LACTB: variants seen among roughly 807,000 people sequenced by gnomAD.
The protein encoded by LACTB is lactamase beta.
In LACTB, 35 loss-of-function variants were observed where a neutral mutation model predicts 50.2. That is an observed-to-expected ratio of 0.70 (90% CI 0.53 to 0.92). The LOEUF (loss-of-function observed/expected upper bound fraction) is 0.92, where lower values mean the gene tolerates loss of function less well. Ranked by LOEUF, LACTB falls within the 40% of genes least tolerant of loss-of-function variation. The pLI, the probability that LACTB is intolerant of heterozygous loss-of-function variation, is 0.00. For missense variants in LACTB, 664 were observed against 691.8 expected (o/e 0.96, Z 0.45); for synonymous variants, 252 against 268.2 (o/e 0.94, Z 0.59).
At chr15:63,134,473 T>A (rs1392019177) in intron 5 of LACTB, among the ~76,000 whole-genome samples, 1 of 152,160 alleles carries the variant, frequency 6.6e-6, no homozygotes, top group Non-Finnish European at 1.5e-5. Flanking sequence ...GTGGTGTCCC[T>A]GTCTGTACAC....
intron 5 of LACTB, among the ~76,000 whole-genome samples, chr15:63,139,741 G>A (rs980711955): frequency 3.3e-5 from 5 of 152,128 alleles, no homozygotes; most frequent in Non-Finnish European, 7.4e-5. Context: ...GCTGAGGCAG[G>A]AGAACCAAAC....
At chr15:63,122,788 C>T (rs1595712904) in intron 2 of LACTB, 86 bp downstream of exon 2, 2 of 898,110 alleles carry the variant, frequency 2.2e-6, no homozygotes, top group Non-Finnish European at 3.7e-6. Flanking sequence ...CCATGAAATG[C>T]TATTGCATTT....
intron 5 of LACTB, among the ~76,000 whole-genome samples, chr15:63,132,234 C>A (rs544943477): frequency 1.3e-5 from 2 of 152,238 alleles, no homozygotes; most frequent in East Asian, 3.9e-4. Flanking sequence ...TCCTTGGTGT[C>A]TCTTGTTTCC....
In LACTB at chr15:63,122,156, C is replaced by T. The variant is rs754428669; in HGVS notation, c.285C>T (p.Thr95=). ...CCCTCGCCCCGTGGTCTCCGCAGAC[C>T]CCGGCGCCGCCCTGCTCCAGGTGCT... ...EQSLAPWSPQ[T]PAPPCSRCFA... The change falls in exon 1 of 6, where the codon ACC becomes ACT. Residue 95 remains threonine, a synonymous_variant. Coordinates refer to ENST00000261893, the MANE Select transcript of LACTB (RefSeq NM_032857.5). 7 of 1,514,588 alleles carry T rather than the reference C, an allele frequency of 4.6e-6. No individual in the cohort carries two copies. Among genetic ancestry groups the T allele is most frequent in the African/African-American group, 2.8e-5 (2 of 70,346 alleles). 93.8% of individuals were successfully genotyped at this position (1,514,588 alleles called of 1,614,324 possible).
intron 5 of LACTB, among the ~76,000 whole-genome samples, chr15:63,131,786 A>T (rs1290896740): frequency 6.6e-6 from 1 of 152,102 alleles, no homozygotes; most frequent in African/African-American, 2.4e-5. Flanking sequence ...CTCCACAAAA[A>T]ATACAAAAAT....
In LACTB at chr15:63,141,524, G is replaced by T; in HGVS notation, c.1363G>T (p.Asp455Tyr). 6.2e-7 allele frequency: 1 copy of T among 1,614,194 alleles called. No individual in the cohort carries two copies. Among genetic ancestry groups the T allele is most frequent in the Non-Finnish European group, 8.5e-7 (1 of 1,180,036 alleles). The change falls in exon 6 of 6, where the codon GAT becomes TAT. Residue 455 changes from aspartate to tyrosine, a missense_variant. Physicochemically the swap from Asp to Tyr is radical, Grantham distance 160. Coordinates refer to ENST00000261893, the MANE Select transcript of LACTB (RefSeq NM_032857.5). ...TPVPNTEMSW[D>Y]KEGKYAMAWG... is the part of the protein sequence containing the mutation. ...AGTCCCTAACACAGAGATGTCTTGG[G>T]ATAAAGAGGGTAAATATGCAATGGC...
At position 63,121,908 on chromosome 15, in the gene LACTB, GC is replaced by G; in HGVS notation, c.39del (p.Ala14ProfsTer41). The G allele has an allele frequency of 1.4e-6, 2 of 1,419,052 alleles. No individual in the cohort carries two copies. Among genetic ancestry groups the G allele is most frequent in the South Asian group, 1.6e-5 (1 of 64,386 alleles). The allele number at this position is 1,419,052 out of a possible 1,614,324, so 87.9% of individuals were successfully genotyped here. A position where few individuals can be genotyped will look rare whatever the true frequency, so the allele number is the denominator to read the frequency against. ...RLMSAVTARAAAPGGLASSCG... is the reference protein window; with the variant it reads ...RLMSAVTARAXAPGGLASSCG... The stretch of plus-strand genomic sequence containing the variant: ...CATGTCAGCAGTGACTGCCCGGGCT[GC>G]CGCCCCCGGGGGCTTGGCCTCAAGC... On this transcript the variant is annotated frameshift_variant, in exon 1 of 6. Transcript: ENST00000261893. LOFTEE classifies it high-confidence loss of function.
intron 5 of LACTB, among the ~76,000 whole-genome samples, chr15:63,138,116 A>G (rs768606982): frequency 6.6e-6 from 1 of 152,170 alleles, no homozygotes; most frequent in Non-Finnish European, 1.5e-5. Context: ...ACTTGAGCCC[A>G]GGAGTTCGAG....
rs562640125 is a variant in LACTB, at chr15:63,128,140, AT to A, written c.952+457del. ...CTATACAAATAATTATCTTTGTTTTATTTTTTGATTTGGTGCCTATTGAAGC... is the reference window on the plus strand; with the variant it reads ...CTATACAAATAATTATCTTTGTTTTATTTTTGATTTGGTGCCTATTGAAGC... On this transcript the variant is annotated intron_variant, in intron 4 of 5. Transcript: ENST00000261893. 3.6e-3 allele frequency among the ~76,000 whole-genome samples: 554 copies of A among 152,198 alleles called. 3 individuals carry two copies. The highest frequency in any genetic ancestry group is 0.013 in the African/African-American group (530 of 41,544).
At position 63,122,211 on chromosome 15, in the gene LACTB, C is replaced by G; in HGVS notation, c.340C>G (p.Leu114Val). ...CAGAGCCATCGAGAGCAGCCGCGAC[C>G]TGCTGCACAGGATCAAGGTGCGGCC... ...FARAIESSRD[L>V]LHRIKDEVGA... Residue 114 changes from leucine to valine, a missense_variant, in exon 1 of 6, where the codon CTG becomes GTG. By Grantham distance (32) the Leu-to-Val change is conservative. Transcript: ENST00000261893. 6.4e-7 allele frequency: 1 copy of G among 1,556,808 alleles called. No individual in the cohort carries two copies. The highest frequency in any genetic ancestry group is 8.6e-7 in the Non-Finnish European group (1 of 1,161,076).
rs1227904284 is a variant in LACTB, at chr15:63,127,449, G to A, written c.712G>A (p.Ala238Thr). Reference protein sequence around the residue: ...KKVKEEKAYKALKMMKENVAF... With the variant: ...KKVKEEKAYKTLKMMKENVAF... ...GGTGAAAGAAGAGAAAGCTTATAAA[G>A]CCTTGAAGATGATGAAAGAGAATGT... The change falls in exon 4 of 6, where the codon GCC becomes ACC. Residue 238 changes from alanine to threonine, a missense_variant. Transcript: ENST00000261893. 8 of 1,612,016 alleles carry A rather than the reference G, an allele frequency of 5.0e-6. No homozygotes were observed. The South Asian group carries it at 8.8e-5, about 18-fold the overall frequency.
At position 63,122,007 on chromosome 15, in the gene LACTB, C is replaced by A. The variant is rs2036977015; in HGVS notation, c.136C>A (p.Leu46Met). 8 of 1,375,744 alleles carry A rather than the reference C, an allele frequency of 5.8e-6. No individual in the cohort carries two copies. Among genetic ancestry groups the A allele is most frequent in the Non-Finnish European group, 6.5e-6 (7 of 1,073,506 alleles). 85.2% of individuals were successfully genotyped at this position (1,375,744 alleles called of 1,614,324 possible). ...CCACGGCTGGGTCGGGGGCCTCGGG[C>A]TGGGGCTGGGGCTGGCGCTCGGGGT... ...LGHGWVGGLGLGLGLALGVKL... is the reference protein window; with the variant it reads ...LGHGWVGGLGMGLGLALGVKL... Residue 46 changes from leucine (L) to methionine (M), a missense_variant, in exon 1 of 6, where the codon CTG (leucine) becomes ATG (methionine). Transcript: ENST00000261893.
chr15:63,138,552 A>C (rs2037195905), intron 5 of LACTB, among the ~76,000 whole-genome samples: 1 of 152,224 alleles, frequency 6.6e-6, no homozygotes, highest in African/African-American at 2.4e-5. Context: ...CAGCTGAATA[A>C]AATTATTTTC....
In LACTB at chr15:63,122,004, G is replaced by C; in HGVS notation, c.133G>C (p.Gly45Arg). Residue 45 changes from glycine (G) to arginine (R), a missense_variant, in exon 1 of 6, where the codon GGG becomes CGG. Physicochemically the swap from Gly to Arg is moderately radical, Grantham distance 125. Coordinates refer to ENST00000261893, the MANE Select transcript of LACTB (RefSeq NM_032857.5). ...PLGHGWVGGLGLGLGLALGVK... is the reference protein window; with the variant it reads ...PLGHGWVGGLRLGLGLALGVK... ...CGGCCACGGCTGGGTCGGGGGCCTC[G>C]GGCTGGGGCTGGGGCTGGCGCTCGG... is the stretch of plus-strand genomic sequence containing the variant. 1 of 1,362,116 alleles carries C rather than the reference G, an allele frequency of 7.3e-7. No homozygotes were observed. Among genetic ancestry groups the C allele is most frequent in the Non-Finnish European group, 9.4e-7 (1 of 1,066,248 alleles). 84.4% of individuals were successfully genotyped at this position (1,362,116 alleles called of 1,614,324 possible). A position where few individuals can be genotyped will look rare whatever the true frequency, so the allele number is the denominator to read the frequency against.
Position 63,122,027 on chromosome 15 carries a change from C to T in LACTB, c.156C>T (p.Leu52=), listed in dbSNP as rs1000501029. The T allele has an allele frequency of 3.6e-6, 5 of 1,403,188 alleles. No homozygotes were observed. Among genetic ancestry groups the T allele is most frequent in the African/African-American group, 3.0e-5 (2 of 66,480 alleles). The allele number at this position is 1,403,188 out of a possible 1,614,324, so 86.9% of individuals were successfully genotyped here. The change falls in exon 1 of 6, where the codon CTC becomes CTT. Residue 52 remains leucine (L), a synonymous_variant. Transcript: ENST00000261893. ...GGLGLGLGLA[L]GVKLAGGLRG... ...TCGGGCTGGGGCTGGGGCTGGCGCT[C>T]GGGGTGAAGCTGGCAGGTGGGCTGA...
In LACTB at chr15:63,141,434, A is replaced by G. The variant is rs2037227310; in HGVS notation, c.1273A>G (p.Asn425Asp). 2 of 1,614,230 alleles carry G rather than the reference A, an allele frequency of 1.2e-6. No homozygotes were observed. The highest frequency in any genetic ancestry group is 2.7e-5 in the African/African-American group (2 of 75,060). Residue 425 changes from asparagine to aspartate, a missense_variant, in exon 6 of 6, where the codon AAC becomes GAC. Coordinates refer to ENST00000261893, the MANE Select transcript of LACTB (RefSeq NM_032857.5). ...LYGYQVGLFKNSNENLLPGYL... is the reference protein window; with the variant it reads ...LYGYQVGLFKDSNENLLPGYL... ...TGGTTACCAAGTTGGGCTGTTTAAG[A>G]ACTCAAATGAAAATCTTTTACCTGG... is the stretch of plus-strand genomic sequence containing the variant.
At chr15:63,127,724 A>G (rs1411942029) in intron 4 of LACTB, 35 bp downstream of exon 4, 5 of 1,339,098 alleles carry the variant, frequency 3.7e-6, no homozygotes, top group Non-Finnish European at 4.1e-6. Flanking sequence ...CAAAATCATC[A>G]TTACTGAAAT....
At chr15:63,139,265 C>A (rs2037205490) in intron 5 of LACTB, among the ~76,000 whole-genome samples, 1 of 151,284 alleles carries the variant, frequency 6.6e-6, no homozygotes, top group Non-Finnish European at 1.5e-5. Context: ...ACTGGGGAGG[C>A]TGAGGCAGGA....
chr15:63,124,746 A>G (rs1435337735), intron 2 of LACTB, among the ~76,000 whole-genome samples: 1 of 152,038 alleles, frequency 6.6e-6, no homozygotes, highest in Non-Finnish European at 1.5e-5. Flanking sequence ...TGAGCTTAGG[A>G]GTTCGAGACC....
Sources: gnomAD v4.1 joint callset for allele counts (sites outside exome capture counted in the v4.1 genomes callset) on GRCh38, gnomAD v4.1.1 for gene constraint, MANE v1.5 for transcripts, NCBI Gene and HGNC (gene_info 2026-07-23, HGNC 2026-07-21) for gene names.